The following CNTN5 variants were observed in gnomAD, a reference collection of about 807,000 sequenced individuals.
CNTN5 encodes contactin 5.
In CNTN5, 77 loss-of-function variants were observed where a neutral mutation model predicts 129.1. The observed-to-expected ratio is 0.60, with a 90% CI of 0.50 to 0.72. The LOEUF is 0.72. Among genes scored for constraint, CNTN5 ranks in the 30% least tolerant of loss-of-function variants. The pLI, the probability that CNTN5 is intolerant of heterozygous loss-of-function variation, is 0.00. For missense variants in CNTN5, 1,478 were observed against 1,328.8 expected (o/e 1.11, Z -1.75); for synonymous variants, 509 against 465.6 (o/e 1.09, Z -1.20).
intron 10 of CNTN5, among the ~76,000 whole-genome samples, chr11:100,066,158 T>C (rs1259427946): frequency 6.6e-6 from 1 of 152,128 alleles, no homozygotes; most frequent in African/African-American, 2.4e-5. Flanking sequence ...TGGTAGCTCA[T>C]TGAAATAGGA....
intron 6 of CNTN5, among the ~76,000 whole-genome samples, chr11:99,889,907 CTAAAAATTATTTT>C (rs1459023268): frequency 1.3e-5 from 2 of 152,056 alleles, no homozygotes; most frequent in African/African-American, 4.8e-5. Flanking sequence ...AATAACTTAT[CTAAAAATTATTTT>C]TAAAAATTAT....
intron 16 of CNTN5, among the ~76,000 whole-genome samples, chr11:100,244,452 CTA>C (rs913023624): frequency 2.0e-5 from 3 of 152,092 alleles, no homozygotes; most frequent in African/African-American, 4.8e-5. Flanking sequence ...GAATGAAAAC[CTA>C]TGTTTCATGG....
At chr11:99,139,146 G>A (rs1405575461) in intron 1 of CNTN5, among the ~76,000 whole-genome samples, 3 of 141,948 alleles carry the variant, frequency 2.1e-5, no homozygotes, top group South Asian at 2.2e-4. Context: ...CCATTCCTGC[G>A]GTCCCAGCTA....
intron 3 of CNTN5, among the ~76,000 whole-genome samples, chr11:99,598,799 T>G (rs987638028): frequency 6.6e-6 from 1 of 151,968 alleles, no homozygotes; most frequent in Non-Finnish European, 1.5e-5. Context: ...ACTTTAGGAC[T>G]TTTACAGTAG....
chr11:99,974,271 G>C (rs1232924946), intron 8 of CNTN5, among the ~76,000 whole-genome samples: 1 of 152,190 alleles, frequency 6.6e-6, no homozygotes, highest in South Asian at 2.1e-4. Context: ...TGACTGCAAA[G>C]AGTACACGCC....
At chr11:99,923,578 G>A (rs1437821700) in intron 7 of CNTN5, among the ~76,000 whole-genome samples, 1 of 151,862 alleles carries the variant, frequency 6.6e-6, no homozygotes, top group Non-Finnish European at 1.5e-5. Context: ...TATTTACTTT[G>A]GGGTATATAC....
chr11:100,168,463 T>C (rs910107756), intron 13 of CNTN5, among the ~76,000 whole-genome samples: 6 of 151,976 alleles, frequency 3.9e-5, no homozygotes, highest in Non-Finnish European at 7.4e-5. Flanking sequence ...TTATGCTAAA[T>C]CTACTCTGCC....
At position 99,357,661 on chromosome 11, in the gene CNTN5, G is replaced by C. The variant is rs116150557; in HGVS notation, c.-71+32177G>C. Among the ~76,000 whole-genome samples the C allele has an allele frequency of 4.0e-3, 609 of 152,244 alleles. 2 individuals are homozygous for C. The highest frequency in any genetic ancestry group is 0.014 in the African/African-American group (583 of 41,552). On this transcript the variant is annotated intron_variant, in intron 2 of 24. Coordinates refer to ENST00000524871, the MANE Select transcript of CNTN5 (RefSeq NM_014361.4). ...CATCACAGTGAGTTTTGGCTCACTT[G>C]TAGAAATCAGATGAGATCATGTGAA...
intron 8 of CNTN5, 50 bp downstream of exon 8, chr11:99,957,059 T>G: frequency 6.7e-7 from 1 of 1,491,282 alleles, no homozygotes; most frequent in Non-Finnish European, 9.2e-7. Flanking sequence ...ATTTGGAAAA[T>G]AAAGATGTAT....
intron 3 of CNTN5, among the ~76,000 whole-genome samples, chr11:99,589,058 C>T (rs543107967): frequency 3.9e-5 from 6 of 152,152 alleles, no homozygotes; most frequent in East Asian, 1.9e-4. Context: ...TAGAAAATGG[C>T]GTTGATGGAA....
intron 3 of CNTN5, among the ~76,000 whole-genome samples, chr11:99,765,059 G>T (rs1330876278): frequency 1.3e-5 from 2 of 151,986 alleles, no homozygotes; most frequent in South Asian, 2.1e-4. Flanking sequence ...TTTGGAAAGT[G>T]TAGCAGTTTT....
At chr11:100,126,873 T>A (rs2049255110) in intron 13 of CNTN5, among the ~76,000 whole-genome samples, 1 of 152,022 alleles carries the variant, frequency 6.6e-6, no homozygotes, top group African/African-American at 2.4e-5. Flanking sequence ...GCTTTATAGG[T>A]CCTGTGGGCT....
intron 3 of CNTN5, among the ~76,000 whole-genome samples, chr11:99,561,970 T>C (rs1449396627): frequency 6.6e-6 from 1 of 152,124 alleles, no homozygotes; most frequent in African/African-American, 2.4e-5. Context: ...AAAGTATGCC[T>C]CCTTGGCATA....
intron 3 of CNTN5, among the ~76,000 whole-genome samples, chr11:99,710,354 C>G (rs544233483): frequency 4.0e-5 from 6 of 151,876 alleles, no homozygotes; most frequent in South Asian, 2.1e-4. Flanking sequence ...TTCTACAAAC[C>G]CTTTTGTTCT....
At chr11:99,403,247 G>A (rs1401618724) in intron 2 of CNTN5, among the ~76,000 whole-genome samples, 1 of 152,104 alleles carries the variant, frequency 6.6e-6, no homozygotes, top group Non-Finnish European at 1.5e-5. Context: ...TGATCTGCCT[G>A]CCTCAACCTT....
At chr11:99,044,989 T>C (rs1436881352) in intron 1 of CNTN5, among the ~76,000 whole-genome samples, 2 of 152,152 alleles carry the variant, frequency 1.3e-5, no homozygotes, top group Non-Finnish European at 2.9e-5. Context: ...AAAATGATAA[T>C]ACTACTTATT....
intron 16 of CNTN5, among the ~76,000 whole-genome samples, chr11:100,254,200 T>C (rs1396783987): frequency 6.6e-6 from 1 of 152,230 alleles, no homozygotes; most frequent in Non-Finnish European, 1.5e-5. Context: ...AGTACTATTC[T>C]AGAATATTTG....
chr11:99,089,064 T>C (rs1866125795), intron 1 of CNTN5, among the ~76,000 whole-genome samples: 1 of 152,180 alleles, frequency 6.6e-6, no homozygotes, highest in South Asian at 2.1e-4. Flanking sequence ...ACATTAGCCT[T>C]AAACTGATAA....
intron 1 of CNTN5, among the ~76,000 whole-genome samples, chr11:99,090,859 A>G (rs1866216916): frequency 1.3e-5 from 2 of 151,748 alleles, no homozygotes; most frequent in Admixed American, 6.6e-5. Context: ...CGTCTCTACT[A>G]AAAATACAAA....
Sources: allele counts gnomAD v4.1 joint callset (sites outside exome capture counted in the v4.1 genomes callset), GRCh38; gene constraint gnomAD v4.1.1; transcripts MANE v1.5; gene names NCBI Gene and HGNC (gene_info 2026-07-23, HGNC 2026-07-21).